The following PCDHGA10 variants were observed in gnomAD, a reference collection of about 807,000 sequenced individuals.
PCDHGA10 encodes protocadherin gamma subfamily A, 10, also known as protocadherin gamma-A10.
PCDHGA10 carries 42 observed loss-of-function variants against 59.5 expected under a neutral mutation model. That is an observed-to-expected ratio of 0.71 (90% CI 0.55 to 0.91). The LOEUF is 0.91. PCDHGA10 is among the 40% of genes least tolerant of loss of function. The pLI, the probability that PCDHGA10 is intolerant of heterozygous loss-of-function variation, is 0.00. For missense variants in PCDHGA10, 1,111 were observed against 1,198.2 expected (o/e 0.93, Z 1.07); for synonymous variants, 511 against 517.2 (o/e 0.99, Z 0.16).
At chr5:141,452,412 T>G (rs1009940351) in intron 1 of PCDHGA10, among the ~76,000 whole-genome samples, 2 of 152,222 alleles carry the variant, frequency 1.3e-5, no homozygotes, top group Non-Finnish European at 2.9e-5. Context: ...GTGTGAGGTA[T>G]GCTCACTGCT....
chr5:141,506,760 G>A (rs1018086132), intron 3 of PCDHGA10, among the ~76,000 whole-genome samples: 1 of 152,128 alleles, frequency 6.6e-6, no homozygotes, highest in Non-Finnish European at 1.5e-5. Context: ...CTAGCTTCTG[G>A]AGCAGCAAAT....
chr5:141,428,846 A>G (rs936271540), intron 1 of PCDHGA10: 1 of 143,414 alleles, frequency 7.0e-6, no homozygotes, highest in Non-Finnish European at 1.5e-5. Flanking sequence ...CATTTTCACC[A>G]TTTTTACGGG....
chr5:141,419,332 C>A, intron 1 of PCDHGA10: 1 of 1,613,950 alleles, frequency 6.2e-7, no homozygotes, highest in South Asian at 1.1e-5. Context: ...CCTACTCTCT[C>A]ATTGCCAGCG....
In PCDHGA10 at chr5:141,431,892, A is replaced by G. The variant is rs1456048000; in HGVS notation, c.2436+16281A>G. The G allele has an allele frequency of 2.1e-5, 34 of 1,614,054 alleles. No homozygotes were observed. Among genetic ancestry groups the G allele is most frequent in the Non-Finnish European group, 2.7e-5 (32 of 1,179,972 alleles). ...AATGTAAATGACCAAGATTCTGAGG[A>G]AAACGGACAGGTGATCTGTTTCATC... is the stretch of plus-strand genomic sequence containing the variant. On this transcript the variant is annotated intron_variant, in intron 1 of 3. Transcript: ENST00000398610. The surrounding 1 kb of genome is among the most constrained non-coding windows in gnomAD (Gnocchi z 4.8).
At chr5:141,507,865 T>C (rs2099864402) in intron 3 of PCDHGA10, among the ~76,000 whole-genome samples, 1 of 152,128 alleles carries the variant, frequency 6.6e-6, no homozygotes. Context: ...CACACCCGCT[T>C]CCTAGCCCTG....
At chr5:141,456,148 C>G (rs1408257938) in intron 1 of PCDHGA10, among the ~76,000 whole-genome samples, 1 of 152,080 alleles carries the variant, frequency 6.6e-6, no homozygotes, top group African/African-American at 2.4e-5. Flanking sequence ...CCGCCCGCCT[C>G]GGCCTCCTAA....
intron 2 of PCDHGA10, among the ~76,000 whole-genome samples, chr5:141,504,689 G>A (rs1395389800): frequency 6.6e-6 from 1 of 151,502 alleles, no homozygotes; most frequent in South Asian, 2.1e-4. Context: ...TAAAATAGGA[G>A]GGGCAGGTTC....
At chr5:141,430,713 T>G in intron 1 of PCDHGA10, 1 of 1,481,944 alleles carries the variant, frequency 6.7e-7, no homozygotes, top group Non-Finnish European at 9.0e-7. Context: ...GCTCCTGACT[T>G]CAGTGGTTAA....
At chr5:141,483,648 T>TTGTGTGTGTG (rs111458813) in intron 1 of PCDHGA10, among the ~76,000 whole-genome samples, 23 of 149,708 alleles carry the variant, frequency 1.5e-4, no homozygotes, top group African/African-American at 3.9e-4. Context: ...GGGTGTGTGT[T>TTGTGTGTGTG]TGTGTGTGTG....
rs770740530 is a variant in PCDHGA10, at chr5:141,414,562, A to G, written c.1387A>G (p.Thr463Ala). 3.1e-6 allele frequency: 5 copies of G among 1,613,924 alleles called. No individual in the cohort carries two copies. The highest frequency in any genetic ancestry group is 4.2e-6 in the Non-Finnish European group (5 of 1,179,868). The change falls in exon 1 of 4, where the codon ACC becomes GCC. Residue 463 changes from threonine to alanine, a missense_variant. By Grantham distance (58) the Thr-to-Ala change is moderately conservative. Coordinates refer to ENST00000398610, the MANE Select transcript of PCDHGA10 (RefSeq NM_018913.3). The part of the protein sequence containing the change: ...PPTFSQVSYF[T>A]YIPENNARGA... ...TACCTTCTCTCAAGTCTCCTACTTT[A>G]CCTATATCCCAGAGAACAACGCCAG...
At chr5:141,464,426 G>GAT (rs1287556960) in intron 1 of PCDHGA10, among the ~76,000 whole-genome samples, 1 of 151,096 alleles carries the variant, frequency 6.6e-6, no homozygotes, top group African/African-American at 2.4e-5. Flanking sequence ...TATATATATA[G>GAT]ATATATATGT....
chr5:141,432,266 T>G lies in PCDHGA10; in HGVS notation c.2436+16655T>G. ...CACCATCCAAGGGGCAAGCCTATCG[T>G]CCTACGTGTCCATCAACTCCGACAC... On this transcript the variant is annotated intron_variant, in intron 1 of 3. Transcript: ENST00000398610. This position sits in a 1 kb window ranked among gnomAD's most constrained non-coding sequence, Gnocchi z 6.0. The G allele has an allele frequency of 6.2e-7, 1 of 1,614,214 alleles. No individual in the cohort carries two copies. Among genetic ancestry groups the G allele is most frequent in the East Asian group, 2.2e-5 (1 of 44,880 alleles).
rs776132438 is a variant in PCDHGA10 at position 141,432,197 on chromosome 5, G to A, written c.2436+16586G>A. The A allele has an allele frequency of 2.5e-6, 4 of 1,614,112 alleles. No individual in the cohort carries two copies. The South Asian group carries it at 3.3e-5, about 13-fold the overall frequency. The stretch of plus-strand genomic sequence containing the variant: ...CGTCTCTGTGACCGCCCACGACCCC[G>A]ACTGTGAAGAGAACGCCCAGATCAC... On this transcript the variant is annotated intron_variant, in intron 1 of 3. Coordinates refer to ENST00000398610, the MANE Select transcript of PCDHGA10 (RefSeq NM_018913.3). The surrounding 1 kb of genome is among the most constrained non-coding windows in gnomAD (Gnocchi z 6.0).
chr5:141,470,869 T>C (rs1215083835), intron 1 of PCDHGA10, among the ~76,000 whole-genome samples: 1 of 151,910 alleles, frequency 6.6e-6, no homozygotes, highest in African/African-American at 2.4e-5. Context: ...TTTGTTTGTT[T>C]GTTTTTTTGT....
At position 141,487,534 on chromosome 5, in the gene PCDHGA10, G is replaced by T; in HGVS notation, c.2437-7273G>T. The T allele has an allele frequency of 6.2e-7, 1 of 1,614,174 alleles. No homozygotes were observed. The highest frequency in any genetic ancestry group is 8.5e-7 in the Non-Finnish European group (1 of 1,180,034). ...CCACTCGGAGTGATAGCTTCATGAT[G>T]GTGAAGTCACCCAGTGCACCTATGG... On this transcript the variant is annotated intron_variant, in intron 1 of 3. Coordinates refer to ENST00000398610, the MANE Select transcript of PCDHGA10 (RefSeq NM_018913.3). This position sits in a 1 kb window ranked among gnomAD's most constrained non-coding sequence, Gnocchi z 5.0.
chr5:141,486,278 G>A lies in PCDHGA10; in HGVS notation c.2437-8529G>A. The A allele has an allele frequency of 1.2e-6, 2 of 1,614,088 alleles. No individual in the cohort carries two copies. Among genetic ancestry groups the A allele is most frequent in the South Asian group, 2.2e-5 (2 of 91,068 alleles). On this transcript the variant is annotated intron_variant, in intron 1 of 3. Transcript: ENST00000398610. This position sits in a 1 kb window ranked among gnomAD's most constrained non-coding sequence, Gnocchi z 5.0. The stretch of plus-strand genomic sequence containing the variant: ...CGAGAGTGCAGAACCTGGCACTGTG[G>A]TGGCACTTATCAGTGTGCAGGATCC...
intron 1 of PCDHGA10, chr5:141,441,844 G>T: frequency 2.8e-6 from 1 of 355,710 alleles, no homozygotes. Context: ...CGCGCTCTTG[G>T]ATATGGTGCT....
intron 2 of PCDHGA10, among the ~76,000 whole-genome samples, chr5:141,498,068 A>G (rs765582921): frequency 6.6e-6 from 1 of 152,244 alleles, no homozygotes; most frequent in Non-Finnish European, 1.5e-5. Context: ...TGAAACTGTC[A>G]TAAGTGCTAG....
At chr5:141,421,119 C>T (rs542039688) in intron 1 of PCDHGA10, 1 of 772,768 alleles carries the variant, frequency 1.3e-6, no homozygotes, top group Non-Finnish European at 2.0e-6. Flanking sequence ...TATTTTCCTT[C>T]GCTTTCTGAT....
Sources: gnomAD v4.1 joint callset for allele counts (sites outside exome capture counted in the v4.1 genomes callset) on GRCh38, gnomAD v4.1.1 for gene constraint, Gnocchi (gnomAD v3.1) non-coding constraint, MANE v1.5 for transcripts, NCBI Gene and HGNC (gene_info 2026-07-23, HGNC 2026-07-21) for gene names.